TMC2: variants seen among roughly 807,000 people sequenced by gnomAD.
TMC2 encodes transmembrane channel like 2, also known as transmembrane channel-like protein 2.
TMC2 carries 102 observed loss-of-function variants against 105.9 expected under a neutral mutation model. The ratio of observed to expected loss-of-function variants is 0.96; its 90% CI spans 0.82 to 1.14. The LOEUF is 1.14. Ranked by LOEUF, TMC2 falls within the 50% of genes most tolerant of loss-of-function variation. The probability of loss-of-function intolerance (pLI) is 0.00; values close to 1 mark genes in which losing one functional copy is unlikely to be tolerated. For synonymous variants in TMC2, 402 were observed against 422.8 expected (o/e 0.95, Z 0.60); for missense variants, 1,093 against 1,134.3 (o/e 0.96, Z 0.52).
Position 2,616,705 on chromosome 20 carries a change from C to T in TMC2, c.1941-367C>T, listed in dbSNP as rs887513168. On this transcript the variant is annotated intron_variant, in intron 15 of 19. Coordinates refer to ENST00000358864, the MANE Select transcript of TMC2 (RefSeq NM_080751.3). The surrounding 1 kb of genome is among the most constrained non-coding windows in gnomAD (Gnocchi z 4.8). The stretch of plus-strand genomic sequence containing the variant: ...AAGGTGCCAAGGGCTCGCTGCAAGC[C>T]ACTGTCCAATTCTCTCAATTGAAGG... Among the ~76,000 whole-genome samples the T allele has an allele frequency of 3.9e-5, 6 of 152,184 alleles. No individual in the cohort carries two copies. The highest frequency in any genetic ancestry group is 1.4e-4 in the African/African-American group (6 of 41,446).
intron 7 of TMC2, among the ~76,000 whole-genome samples, chr20:2,591,984 T>A (rs1459013621): frequency 1.3e-5 from 2 of 151,974 alleles, no homozygotes; most frequent in Non-Finnish European, 2.9e-5. Context: ...TGAAATCCTG[T>A]CTCTACTAAA....
intron 10 of TMC2, among the ~76,000 whole-genome samples, chr20:2,601,115 T>C (rs555925211): frequency 1.5e-4 from 23 of 150,904 alleles, no homozygotes; most frequent in African/African-American, 3.9e-4. Context: ...AAGTATAAAA[T>C]ATTGCCGAAA....
At chr20:2,563,088 C>T (rs968863590) in intron 4 of TMC2, among the ~76,000 whole-genome samples, 2 of 152,142 alleles carry the variant, frequency 1.3e-5, no homozygotes, top group African/African-American at 2.4e-5. Context: ...GGGAGTGGCA[C>T]TCCCCCCGTT....
At chr20:2,600,208 A>T (rs190185708) in intron 10 of TMC2, among the ~76,000 whole-genome samples, 47 of 152,338 alleles carry the variant, frequency 3.1e-4, no homozygotes, top group Non-Finnish European at 2.5e-4. Flanking sequence ...TTGTAAGTTT[A>T]TTAAAAGAGA....
In TMC2 at chr20:2,617,246, C is replaced by G. The variant is rs371280960; in HGVS notation, c.2115C>G (p.Leu705=). 6.2e-7 allele frequency: 1 copy of G among 1,614,240 alleles called. No individual in the cohort carries two copies. The highest frequency in any genetic ancestry group is 1.3e-5 in the African/African-American group (1 of 75,068). Residue 705 remains leucine (L), a synonymous_variant, in exon 16 of 20, where the codon CTC becomes CTG. Coordinates refer to ENST00000358864, the MANE Select transcript of TMC2 (RefSeq NM_080751.3). ...YMGLLLLVLF[L]SLLPVAYTIM... ...GCCTCCTGCTGCTGGTGCTCTTCCT[C>G]AGCCTCCTGCCGGTGGCCTACACCA...
intron 16 of TMC2, chr20:2,617,751 C>CTCA (rs2086495568): frequency 5.7e-6 from 1 of 175,306 alleles, no homozygotes; most frequent in African/African-American, 2.4e-5. Context: ...CACTCTGTCA[C>CTCA]CCAGGCTGGA....
chr20:2,545,820 AGG>A (rs772173054), intron 2 of TMC2, among the ~76,000 whole-genome samples: 25 of 91,718 alleles, frequency 2.7e-4, no homozygotes, highest in South Asian at 7.5e-4. Context: ...GAAGAGGAAG[AGG>A]AAGAAAGAAA....
rs6083735 is a variant in TMC2 at position 2,579,132 on chromosome 20, G to A, written c.646-14G>A. ...CATGTTAAGGAACTGAGAGTTTTAC[G>A]TCTTTTATTTCAGAAATGGGTCAAA... On this transcript the variant is annotated splice_polypyrimidine_tract_variant and intron_variant, in intron 5 of 19. Coordinates refer to ENST00000358864, the MANE Select transcript of TMC2 (RefSeq NM_080751.3). The A allele has an allele frequency of 2.2e-5, 32 of 1,454,824 alleles. 1 individual carries two copies. The East Asian group carries it at 3.6e-4, about 17-fold the overall frequency. 90.1% of individuals were successfully genotyped at this position (1,454,824 alleles called of 1,614,324 possible).
chr20:2,591,756 A>AAAGG (rs1568516467), intron 7 of TMC2, among the ~76,000 whole-genome samples: 18 of 151,064 alleles, frequency 1.2e-4, no homozygotes, highest in Admixed American at 2.0e-4. Context: ...AAAAGAAAAG[A>AAAGG]AAAGGAAAGG....
At chr20:2,608,629 C>G (rs1352764988) in intron 11 of TMC2, among the ~76,000 whole-genome samples, 1 of 151,994 alleles carries the variant, frequency 6.6e-6, no homozygotes, top group Non-Finnish European at 1.5e-5. Context: ...CACCTAGCCC[C>G]CAATTGTACC....
chr20:2,643,430 A>G lies in TMC2; in HGVS notation c.*2079A>G, dbSNP rs1402725501. On this transcript the variant is annotated 3_prime_UTR_variant, in exon 20 of 20. Coordinates refer to ENST00000358864, the MANE Select transcript of TMC2 (RefSeq NM_080751.3). ...TCAGGCCTCCACTGGTTACTAATAC[A>G]CATAAATACCCACCACAAACACAAA... Among the ~76,000 whole-genome samples, 3 of 152,220 alleles carry G rather than the reference A, an allele frequency of 2.0e-5. No homozygotes were observed. The highest frequency in any genetic ancestry group is 4.4e-5 in the Non-Finnish European group (3 of 68,038).
chr20:2,603,063 G>A (rs1250772963), intron 11 of TMC2, among the ~76,000 whole-genome samples: 2 of 152,122 alleles, frequency 1.3e-5, no homozygotes, highest in South Asian at 2.1e-4. Flanking sequence ...TGAGACCTTC[G>A]TCATGTGAAT....
At chr20:2,617,833 C>A (rs1315635705) in intron 16 of TMC2, 1 of 158,262 alleles carries the variant, frequency 6.3e-6, no homozygotes, top group African/African-American at 2.4e-5. Flanking sequence ...GCCTCCACCT[C>A]CCAAGTAGCT....
chr20:2,635,163 C>T (rs528309433), intron 17 of TMC2, among the ~76,000 whole-genome samples: 3 of 152,322 alleles, frequency 2.0e-5, no homozygotes, highest in Admixed American at 2.0e-4. Flanking sequence ...TAACCCCAGA[C>T]CTTAGGACCT....
At chr20:2,574,273 C>T (rs13040953) in intron 5 of TMC2, among the ~76,000 whole-genome samples, 3,172 of 152,014 alleles carry the variant, frequency 0.021, 43 homozygotes, top group African/African-American at 0.03. Flanking sequence ...TTTGATTTTC[C>T]GATATTTTAT....
intron 16 of TMC2, among the ~76,000 whole-genome samples, chr20:2,623,893 C>T (rs2086544863): frequency 6.6e-6 from 1 of 152,230 alleles, no homozygotes; most frequent in Admixed American, 6.5e-5. Flanking sequence ...AACTGTTTCC[C>T]AGGCCCAAAG....
At chr20:2,593,141 C>T (rs986076636) in intron 8 of TMC2, among the ~76,000 whole-genome samples, 4 of 152,098 alleles carry the variant, frequency 2.6e-5, no homozygotes, top group Admixed American at 6.6e-5. Context: ...AAGCAAGGCA[C>T]TTCTTACATG....
At chr20:2,602,548 C>A (rs1330075874) in intron 11 of TMC2, among the ~76,000 whole-genome samples, 1 of 152,198 alleles carries the variant, frequency 6.6e-6, no homozygotes, top group Non-Finnish European at 1.5e-5. Flanking sequence ...TGTGCAACAC[C>A]AATTACTAAC....
chr20:2,609,002 C>A (rs6050568), intron 11 of TMC2, among the ~76,000 whole-genome samples: 1 of 152,150 alleles, frequency 6.6e-6, no homozygotes, highest in African/African-American at 2.4e-5. Context: ...AACTGAATAC[C>A]TACAATAGAC....
Sources: gnomAD v4.1 joint callset for allele counts (sites outside exome capture counted in the v4.1 genomes callset) on GRCh38, gnomAD v4.1.1 for gene constraint, Gnocchi (gnomAD v3.1) non-coding constraint, MANE v1.5 for transcripts, NCBI Gene and HGNC (gene_info 2026-07-23, HGNC 2026-07-21) for gene names.